SELENOO: variants seen among roughly 807,000 people sequenced by gnomAD.
The protein encoded by SELENOO is protein adenylyltransferase SelO, mitochondrial.
A neutral mutation model predicts 58.7 loss-of-function variants in SELENOO; 74 were observed. The observed-to-expected ratio is 1.26, with a 90% CI of 1.04 to 1.53. The LOEUF (loss-of-function observed/expected upper bound fraction) is 1.53, where lower values mean the gene tolerates loss of function less well. Among genes scored for constraint, SELENOO ranks in the 40% most tolerant of loss-of-function variants. The pLI is 0.00. For synonymous variants in SELENOO, 543 were observed against 453.2 expected (o/e 1.20, Z -2.52); for missense variants, 1,149 against 970.0 (o/e 1.18, Z -2.45).
At chr22:50,208,795 G>C in intron 3 of SELENOO, 79 bp downstream of exon 3, 1 of 1,407,604 alleles carries the variant, frequency 7.1e-7, no homozygotes, top group Non-Finnish European at 9.8e-7. Flanking sequence ...CCTCATTTTG[G>C]CCGGGGGACA....
intron 3 of SELENOO, 27 bp from the exon 4 acceptor site, chr22:50,210,154 G>A: frequency 1.2e-6 from 2 of 1,606,668 alleles, no homozygotes; most frequent in Non-Finnish European, 1.7e-6. Flanking sequence ...ACCCCGAGGA[G>A]GGAGCAAGCA....
Position 50,202,980 on chromosome 22 carries a change from CTT to C in SELENOO, c.554+1391_554+1392del, listed in dbSNP as rs1259298106. On this transcript the variant is annotated intron_variant, in intron 1 of 8. Coordinates refer to ENST00000380903, the MANE Select transcript of SELENOO (RefSeq NM_031454.2). ...CATCCCTTGTTCGTGGGTTGGATAA[CTT>C]AATATTAGAAAGACAACGGTACTCT... 2.0e-5 allele frequency among the ~76,000 whole-genome samples: 3 copies of C among 152,222 alleles called. No homozygotes were observed. The East Asian group carries it at 5.8e-4, about 29-fold the overall frequency.
rs1383916964 is a variant in SELENOO, at chr22:50,206,395, C to A, written c.633C>A (p.Val211=). 6 of 1,614,030 alleles carry A rather than the reference C, an allele frequency of 3.7e-6. No homozygotes were observed. Among genetic ancestry groups the A allele is most frequent in the African/African-American group, 1.3e-5 (1 of 74,928 alleles). The change falls in exon 2 of 9, where the codon GTC becomes GTA. Residue 211 remains valine, a synonymous_variant. Transcript: ENST00000380903. Reference sequence around the variant, plus strand: ...GCGAAGCCATGTTCCACCTGGGAGTCCCCACCACACGGGCCGGCGCCTGCG... The same window carrying A: ...GCGAAGCCATGTTCCACCTGGGAGTACCCACCACACGGGCCGGCGCCTGCG... ...LCSEAMFHLG[V]PTTRAGACVT...
intron 1 of SELENOO, among the ~76,000 whole-genome samples, chr22:50,202,362 C>A (rs2064308297): frequency 6.6e-6 from 1 of 152,114 alleles, no homozygotes; most frequent in Admixed American, 6.5e-5. Context: ...CCCAAGCAAG[C>A]TCCTCAGACT....
chr22:50,210,277 A>G lies in SELENOO; in HGVS notation c.1036A>G (p.Thr346Ala), dbSNP rs781645771. 1 of 1,613,316 alleles carries G rather than the reference A, an allele frequency of 6.2e-7. No individual in the cohort carries two copies. Among genetic ancestry groups the G allele is most frequent in the Non-Finnish European group, 8.5e-7 (1 of 1,179,912 alleles). ...NTDNMSILGL[T>A]IDYGPFGFLD... ...CGACAACATGAGCATCCTGGGGCTC[A>G]CCATCGACTACGGGCCCTTTGGCTT... Residue 346 changes from threonine (T) to alanine (A), a missense_variant, in exon 4 of 9, where the codon ACC becomes GCC. Physicochemically the swap from Thr to Ala is moderately conservative, Grantham distance 58. Transcript: ENST00000380903.
chr22:50,208,985 G>A (rs1683950340), intron 3 of SELENOO, among the ~76,000 whole-genome samples: 1 of 152,198 alleles, frequency 6.6e-6, no homozygotes, highest in South Asian at 2.1e-4. Context: ...GGGGGTGCGG[G>A]GTGGGAGCTG....
At chr22:50,209,759 C>G (rs766308155) in intron 3 of SELENOO, among the ~76,000 whole-genome samples, 9 of 151,946 alleles carry the variant, frequency 5.9e-5, no homozygotes, top group Non-Finnish European at 1.5e-5. Context: ...TCAAGGTTAC[C>G]GGTGCTGGGC....
At chr22:50,215,639 G>C in intron 5 of SELENOO, 78 bp from the exon 6 acceptor site, 1 of 768,330 alleles carries the variant, frequency 1.3e-6, no homozygotes, top group Admixed American at 5.0e-5. Context: ...GGGGGGTGGG[G>C]GGGGGGGGGT....
chr22:50,212,061 A>G (rs544276377), intron 5 of SELENOO, among the ~76,000 whole-genome samples: 40 of 152,284 alleles, frequency 2.6e-4, no homozygotes, highest in African/African-American at 9.1e-4. Context: ...GGATTTTTGC[A>G]TCTGTATGCG....
intron 6 of SELENOO, 77 bp from the exon 7 acceptor site, chr22:50,216,614 G>T: frequency 7.4e-7 from 1 of 1,346,934 alleles, no homozygotes; most frequent in Non-Finnish European, 1.0e-6. Flanking sequence ...AGAGCGGGCT[G>T]GGGCAGGCGG....
Position 50,201,101 on chromosome 22 carries a change from G to T in SELENOO, c.65G>T (p.Arg22Leu), listed in dbSNP as rs1385314056. The stretch of plus-strand genomic sequence containing the variant: ...GCTGCCCGACTCTTGCCCCTCGGTC[G>T]CTGTTCCCCGTCGCCGGCGCCCCGC... Reference protein sequence around the residue: ...LAAARLLPLGRCSPSPAPRST... With the variant: ...LAAARLLPLGLCSPSPAPRST... Residue 22 changes from arginine to leucine, a missense_variant, in exon 1 of 9, where the codon CGC (arginine) becomes CTC (leucine). Arg to Leu is a moderately radical substitution (Grantham distance 102). Transcript: ENST00000380903. 1.5e-6 allele frequency: 2 copies of T among 1,351,644 alleles called. No individual in the cohort carries two copies. Among genetic ancestry groups the T allele is most frequent in the Admixed American group, 3.2e-5 (1 of 31,112 alleles). 83.7% of individuals were successfully genotyped at this position (1,351,644 alleles called of 1,614,324 possible). A position where few individuals can be genotyped will look rare whatever the true frequency, so the allele number is the denominator to read the frequency against.
intron 5 of SELENOO, among the ~76,000 whole-genome samples, chr22:50,212,964 G>A (rs1404524199): frequency 6.6e-6 from 1 of 152,260 alleles, no homozygotes; most frequent in Admixed American, 6.5e-5. Context: ...GGCGTGAGTT[G>A]AGGTAACTGA....
intron 6 of SELENOO, among the ~76,000 whole-genome samples, chr22:50,216,480 C>T (rs991111033): frequency 1.3e-5 from 2 of 152,258 alleles, no homozygotes; most frequent in African/African-American, 4.8e-5. Context: ...CCTCGGCCCA[C>T]AAAGGGCCTT....
intron 5 of SELENOO, among the ~76,000 whole-genome samples, chr22:50,211,863 C>T (rs1405460749): frequency 6.6e-6 from 1 of 152,192 alleles, no homozygotes; most frequent in Non-Finnish European, 1.5e-5. Context: ...GCCACCACAC[C>T]CGGCTAATTT....
In SELENOO at chr22:50,201,340, G is replaced by T; in HGVS notation, c.304G>T (p.Ala102Ser). ...GCGCCTCGTGGCGCTGTCAGAGCCC[G>T]CGCTGGCGTTGCTGGGCCTGGGCGC... ...QPRLVALSEP[A>S]LALLGLGAPP... Residue 102 changes from alanine to serine, a missense_variant, in exon 1 of 9, where the codon GCG (alanine) becomes TCG (serine). Ala to Ser is a moderately conservative substitution (Grantham distance 99, BLOSUM62 1). Transcript: ENST00000380903. The T allele has an allele frequency of 1.7e-6, 2 of 1,169,118 alleles. No homozygotes were observed. Among genetic ancestry groups the T allele is most frequent in the Non-Finnish European group, 2.1e-6 (2 of 949,628 alleles). The allele number at this position is 1,169,118 out of a possible 1,614,324, so 72.4% of individuals were successfully genotyped here. A position where few individuals can be genotyped will look rare whatever the true frequency, so the allele number is the denominator to read the frequency against.
intron 5 of SELENOO, among the ~76,000 whole-genome samples, chr22:50,213,711 G>T (rs767830240): frequency 6.6e-6 from 1 of 150,794 alleles, no homozygotes; most frequent in Non-Finnish European, 1.5e-5. Context: ...GCAGTGGCGC[G>T]ATCTCAGCTC....
Position 50,206,525 on chromosome 22 carries a change from T to C in SELENOO, c.758+5T>C. The C allele has an allele frequency of 6.2e-7, 1 of 1,611,300 alleles. No individual in the cohort carries two copies. Among genetic ancestry groups the C allele is most frequent in the South Asian group, 1.1e-5 (1 of 90,680 alleles). ...TGTAGCTTCCACTTTCATAAGGTAA[T>C]GCCGGGGGCCTTTCGGCCTGTCTAC... On this transcript the variant is annotated splice_donor_5th_base_variant and intron_variant, in intron 2 of 8. Transcript: ENST00000380903.
At chr22:50,201,644 T>A in intron 1 of SELENOO, 54 bp downstream of exon 1, 2 of 1,178,444 alleles carry the variant, frequency 1.7e-6, no homozygotes, top group East Asian at 3.4e-5. Context: ...GGGGCGCCCC[T>A]TCCCTCCGCC....
At chr22:50,216,435 T>C (rs538840703) in intron 6 of SELENOO, among the ~76,000 whole-genome samples, 5 of 152,332 alleles carry the variant, frequency 3.3e-5, no homozygotes, top group South Asian at 2.1e-4. Flanking sequence ...GTGGAGACTC[T>C]CCAGCAGAAA....
Sources: allele counts gnomAD v4.1 joint callset (sites outside exome capture counted in the v4.1 genomes callset), GRCh38; gene constraint gnomAD v4.1.1; transcripts MANE v1.5; gene names NCBI Gene and HGNC (gene_info 2026-07-23, HGNC 2026-07-21).